The following FAM178B variants were observed in gnomAD, a reference collection of about 807,000 sequenced individuals.
The protein encoded by FAM178B is family with sequence similarity 178 member B, also known as protein FAM178B.
In FAM178B, 82 loss-of-function variants were observed where a neutral mutation model predicts 91.7. That is an observed-to-expected ratio of 0.89 (90% CI 0.75 to 1.07). The LOEUF (loss-of-function observed/expected upper bound fraction) is 1.07. Ranked by LOEUF, FAM178B falls within the 50% of genes least tolerant of loss-of-function variation. The probability of loss-of-function intolerance (pLI) is 0.00; values close to 1 mark genes in which losing one functional copy is unlikely to be tolerated. For missense variants in FAM178B, 769 were observed against 846.7 expected (o/e 0.91, Z 1.14); for synonymous variants, 368 against 359.4 (o/e 1.02, Z -0.27).
intron 14 of FAM178B, among the ~76,000 whole-genome samples, chr2:96,886,005 G>GCC (rs1211813927): frequency 8.4e-6 from 1 of 118,652 alleles, no homozygotes; most frequent in African/African-American, 3.5e-5. Flanking sequence ...TCCCCTTCTT[G>GCC]TCTCGCTTTT....
Position 96,953,165 on chromosome 2 carries a change from A to G in FAM178B, c.888-1681T>C, listed in dbSNP as rs1446568997. 5.3e-5 allele frequency among the ~76,000 whole-genome samples: 8 copies of G among 152,346 alleles called. No homozygotes were observed. The East Asian group carries it at 1.5e-3, about 29-fold the overall frequency. ...CCCTGAAATAGACCTTCGTTTGTAC[A>G]TACAAATACACGTGCACCCCAGGAC... On this transcript the variant is annotated intron_variant, in intron 6 of 16. Coordinates refer to ENST00000490605, the MANE Select transcript of FAM178B (RefSeq NM_001122646.3).
intron 14 of FAM178B, among the ~76,000 whole-genome samples, chr2:96,881,477 C>T (rs1243132375): frequency 6.6e-6 from 1 of 151,692 alleles, no homozygotes; most frequent in East Asian, 1.9e-4. Context: ...CCCTCTCAGA[C>T]CTTTCACTCC....
chr2:96,889,045 T>C (rs72942917), intron 14 of FAM178B, among the ~76,000 whole-genome samples: 1 of 152,328 alleles, frequency 6.6e-6, no homozygotes, highest in African/African-American at 2.4e-5. Context: ...GGCCTTGATC[T>C]GGGTGGTGCC....
At chr2:96,954,792 A>G (rs776231949) in intron 6 of FAM178B, among the ~76,000 whole-genome samples, 2 of 152,196 alleles carry the variant, frequency 1.3e-5, no homozygotes, top group African/African-American at 4.8e-5. Flanking sequence ...GCTCATGTCT[A>G]TAATCTCAGA....
chr2:96,981,816 C>T (rs951269376), intron 1 of FAM178B, among the ~76,000 whole-genome samples: 1 of 151,300 alleles, frequency 6.6e-6, no homozygotes, highest in Non-Finnish European at 1.5e-5. Context: ...CCTGTAATCC[C>T]AGCACTTTGG....
chr2:96,945,424 C>T (rs548215837), intron 8 of FAM178B, among the ~76,000 whole-genome samples: 7 of 152,156 alleles, frequency 4.6e-5, no homozygotes, highest in African/African-American at 1.4e-4. Context: ...GCGTAAGAAT[C>T]TCCCTAGGAT....
intron 6 of FAM178B, among the ~76,000 whole-genome samples, chr2:96,957,582 T>C (rs777024255): frequency 1.3e-5 from 2 of 152,150 alleles, no homozygotes; most frequent in Non-Finnish European, 2.9e-5. Context: ...CCATGGGCCA[T>C]CTCATCTGTC....
intron 4 of FAM178B, among the ~76,000 whole-genome samples, chr2:96,969,652 C>T (rs893890740): frequency 2.0e-5 from 3 of 152,230 alleles, no homozygotes; most frequent in South Asian, 2.1e-4. Flanking sequence ...ATGTACATCA[C>T]CATGCTGGGC....
At chr2:96,920,881 T>C (rs1488472689) in intron 12 of FAM178B, among the ~76,000 whole-genome samples, 1 of 152,100 alleles carries the variant, frequency 6.6e-6, no homozygotes, top group Admixed American at 6.5e-5. Flanking sequence ...GAGGAGGAGC[T>C]GAAGACTGGG....
intron 12 of FAM178B, among the ~76,000 whole-genome samples, chr2:96,914,100 G>T (rs2081202807): frequency 6.6e-6 from 1 of 152,258 alleles, no homozygotes; most frequent in African/African-American, 2.4e-5. Context: ...GGGTGCTGAG[G>T]ATGCAGACAT....
At chr2:96,921,124 T>C in intron 12 of FAM178B, 41 bp downstream of exon 12, 2 of 1,496,366 alleles carry the variant, frequency 1.3e-6, no homozygotes, top group Non-Finnish European at 1.8e-6. Context: ...CCCGAAGAGA[T>C]GCGTGTGAGA....
At chr2:96,937,298 G>C (rs1429635471) in intron 8 of FAM178B, among the ~76,000 whole-genome samples, 1 of 152,152 alleles carries the variant, frequency 6.6e-6, no homozygotes, top group African/African-American at 2.4e-5. Context: ...TGTGGACTAG[G>C]CTTTGGAATT....
At chr2:96,931,701 C>G (rs2081541972) in intron 8 of FAM178B, among the ~76,000 whole-genome samples, 1 of 152,162 alleles carries the variant, frequency 6.6e-6, no homozygotes, top group Non-Finnish European at 1.5e-5. Context: ...GCAGTGCTGG[C>G]AGACGGCAGG....
intron 12 of FAM178B, among the ~76,000 whole-genome samples, chr2:96,917,108 G>A (rs932339349): frequency 2.6e-5 from 4 of 152,150 alleles, no homozygotes; most frequent in Admixed American, 2.6e-4. Flanking sequence ...CGGCGGGTAC[G>A]TGCACACGCA....
intron 8 of FAM178B, among the ~76,000 whole-genome samples, chr2:96,933,116 G>A (rs1378778902): frequency 7.9e-5 from 12 of 151,870 alleles, no homozygotes; most frequent in East Asian, 1.9e-4. Context: ...GGTAGTGCAC[G>A]CCTGTAATCC....
Position 96,876,069 on chromosome 2 carries a change from T to A in FAM178B, c.*207A>T, listed in dbSNP as rs574103352. On this transcript the variant is annotated 3_prime_UTR_variant, in exon 17 of 17. Coordinates refer to ENST00000490605, the MANE Select transcript of FAM178B (RefSeq NM_001122646.3). ...CGAGGCAGAGAGGCCCATCCCTTGC[T>A]GAGAGGAGAGGGGGTCGGGGCGGTG... is the stretch of plus-strand genomic sequence containing the variant. 2 of 573,074 alleles carry A rather than the reference T, an allele frequency of 3.5e-6. No individual in the cohort carries two copies. Among genetic ancestry groups the A allele is most frequent in the African/African-American group, 2.2e-5 (1 of 45,538 alleles). The allele number at this position is 573,074 out of a possible 1,614,324, so 35.5% of individuals were successfully genotyped here. A position where few individuals can be genotyped will look rare whatever the true frequency, so the allele number is the denominator to read the frequency against.
intron 9 of FAM178B, among the ~76,000 whole-genome samples, chr2:96,925,701 G>A (rs762390926): frequency 6.6e-6 from 1 of 152,100 alleles, no homozygotes; most frequent in Non-Finnish European, 1.5e-5. Context: ...CAGCACCTAG[G>A]AACTGGGTTT....
At chr2:96,967,911 C>CTTTTTTTGTTT (rs2082165974) in intron 4 of FAM178B, among the ~76,000 whole-genome samples, 1 of 62,418 alleles carries the variant, frequency 1.6e-5, no homozygotes, top group Non-Finnish European at 3.0e-5. Context: ...CCTGTTTGGT[C>CTTTTTTTGTTT]TTTTTTTTTT....
chr2:96,977,926 T>TTCA lies in FAM178B; in HGVS notation c.74-5323_74-5321dup, dbSNP rs564433130. On this transcript the variant is annotated intron_variant, in intron 1 of 16. Coordinates refer to ENST00000490605, the MANE Select transcript of FAM178B (RefSeq NM_001122646.3). ...GCAAGGGTTTCTGCAAGTTCAGCAGTTCATCGCTGGAGGGTGGGGCGGGCG... is the reference window on the plus strand; with the variant it reads ...GCAAGGGTTTCTGCAAGTTCAGCAGTTCATCATCGCTGGAGGGTGGGGCGGGCG... 2.9e-3 allele frequency: 1,220 copies of TTCA among 428,058 alleles called. 38 individuals carry two copies. The East Asian group carries it at 0.044, about 16-fold the overall frequency. The allele number at this position is 428,058 out of a possible 1,614,324, so 26.5% of individuals were successfully genotyped here.
Sources: allele counts gnomAD v4.1 joint callset (sites outside exome capture counted in the v4.1 genomes callset), GRCh38; gene constraint gnomAD v4.1.1; transcripts MANE v1.5; gene names NCBI Gene and HGNC (gene_info 2026-07-23, HGNC 2026-07-21).